The following LIX1L variants were observed in gnomAD, a reference collection of about 807,000 sequenced individuals.
LIX1L encodes LIX1-like protein.
In LIX1L, 20 loss-of-function variants were observed where a neutral mutation model predicts 34.0. The observed-to-expected ratio is 0.59, with a 90% CI of 0.41 to 0.85. The LOEUF is 0.85. Ranked by LOEUF, LIX1L falls within the 40% of genes least tolerant of loss-of-function variation. LIX1L has a pLI of 0.00. For synonymous variants in LIX1L, 170 were observed against 187.4 expected (o/e 0.91, Z 0.76); for missense variants, 397 against 447.0 (o/e 0.89, Z 1.01).
At chr1:145,956,043 T>G (rs1261766818) in intron 1 of LIX1L, among the ~76,000 whole-genome samples, 4 of 152,232 alleles carry the variant, frequency 2.6e-5, no homozygotes, top group Non-Finnish European at 4.4e-5. Context: ...GGCAAAGACC[T>G]TCCCTTGATC....
intron 1 of LIX1L, among the ~76,000 whole-genome samples, chr1:145,950,804 G>A (rs910879261): frequency 6.6e-6 from 1 of 152,202 alleles, no homozygotes; most frequent in Admixed American, 6.5e-5. Flanking sequence ...TACAGGAAGC[G>A]TGGTTCCTTC....
chr1:145,956,325 A>G (rs1463132671), intron 1 of LIX1L, among the ~76,000 whole-genome samples: 1 of 152,196 alleles, frequency 6.6e-6, no homozygotes, highest in Non-Finnish European at 1.5e-5. Context: ...TTGGGTTTAC[A>G]TTATTAGGAT....
At chr1:145,951,123 T>C (rs951597162) in intron 1 of LIX1L, among the ~76,000 whole-genome samples, 1 of 152,198 alleles carries the variant, frequency 6.6e-6, no homozygotes, top group Admixed American at 6.5e-5. Context: ...CTTGGCTCAC[T>C]GCAACCTCTA....
chr1:145,947,414 G>C lies in LIX1L; in HGVS notation c.456+205C>G, dbSNP rs1037992043. ...ATTCATAACTGCTCAAATTCAAAAT[G>C]GGTTTGAGTTTTTGAAAGGAAAGCA... On this transcript the variant is annotated intron_variant, in intron 2 of 5. Coordinates refer to ENST00000604000, the MANE Select transcript of LIX1L (RefSeq NM_153713.3). 1.0e-5 allele frequency: 6 copies of C among 575,714 alleles called. No homozygotes were observed. In the Admixed American group the frequency reaches 1.5e-4, roughly 14 times the overall value. The allele number at this position is 575,714 out of a possible 1,614,324, so 35.7% of individuals were successfully genotyped here.
Position 145,957,826 on chromosome 1 carries a change from G to A in LIX1L, c.102C>T (p.Ala34=). 7.1e-7 allele frequency: 1 copy of A among 1,400,190 alleles called. No homozygotes were observed. Among genetic ancestry groups the A allele is most frequent in the East Asian group, 3.1e-5 (1 of 32,758 alleles). The allele number at this position is 1,400,190 out of a possible 1,614,324, so 86.7% of individuals were successfully genotyped here. The change falls in exon 1 of 6, where the codon GCC becomes GCT. Residue 34 remains alanine, a synonymous_variant. Coordinates refer to ENST00000604000, the MANE Select transcript of LIX1L (RefSeq NM_153713.3). The stretch of plus-strand genomic sequence containing the variant: ...GGGGGCCCGCAGGGGGTGTGGCGGT[G>A]GCGGCCGCGGCCCCAGTCACTCCGG... The part of the protein sequence containing the change: ...LRPGVTGAAA[A]TATPPAGPPP...
chr1:145,957,379 A>G (rs1323394671), intron 1 of LIX1L, among the ~76,000 whole-genome samples: 1 of 152,228 alleles, frequency 6.6e-6, no homozygotes, highest in Non-Finnish European at 1.5e-5. Flanking sequence ...AAAGGAGAAA[A>G]GCTTAGGAAG....
Position 145,957,781 on chromosome 1 carries a change from G to A in LIX1L, c.147C>T (p.Pro49=), listed in dbSNP as rs12757922. The A allele has an allele frequency of 2.5e-5, 34 of 1,345,500 alleles. No homozygotes were observed. Among genetic ancestry groups the A allele is most frequent in the Admixed American group, 4.0e-5 (1 of 25,046 alleles). 83.3% of individuals were successfully genotyped at this position (1,345,500 alleles called of 1,614,324 possible). A position where few individuals can be genotyped will look rare whatever the true frequency, so the allele number is the denominator to read the frequency against. ...PAGPPPAPPP[P]APPPPPLLLS... ...GGAGCAGCGGCGGCGGGGGCGGTGC[G>A]GGAGGCGGCGGGGCAGGCGGGGGGC... Residue 49 remains proline, a synonymous_variant, in exon 1 of 6, where the codon CCC becomes CCT. Coordinates refer to ENST00000604000, the MANE Select transcript of LIX1L (RefSeq NM_153713.3).
intron 3 of LIX1L, chr1:145,940,976 G>A (rs12073454): frequency 6.6e-6 from 1 of 152,120 alleles, no homozygotes; most frequent in African/African-American, 2.4e-5. Flanking sequence ...GTGAGCCATC[G>A]CGCCTCGCCC....
At chr1:145,945,937 A>G (rs1327867369) in intron 2 of LIX1L, among the ~76,000 whole-genome samples, 1 of 141,790 alleles carries the variant, frequency 7.1e-6, no homozygotes, top group Non-Finnish European at 1.5e-5. Flanking sequence ...AATACCAAAA[A>G]AAAAAAAAAA....
Position 145,936,498 on chromosome 1 carries a change from T to C in LIX1L, c.826A>G (p.Met276Val). ...TCCCGGCTCACCCAGTCCAAGGCCATTTGGTGGCGAATATCATCATCCAGG... is the reference window on the plus strand; with the variant it reads ...TCCCGGCTCACCCAGTCCAAGGCCACTTGGTGGCGAATATCATCATCCAGG... ...RALDDDIRHQ[M>V]ALDWVSREQS... The change falls in exon 6 of 6, where the codon ATG (methionine) becomes GTG (valine). Residue 276 changes from methionine (M) to valine (V), a missense_variant. Around this residue, in one of 3 missense-constraint regions of LIX1L, gnomAD observed 174 missense variants for 204.0 expected, o/e 0.85. Transcript: ENST00000604000. 4.3e-6 allele frequency: 7 copies of C among 1,614,116 alleles called. No individual in the cohort carries two copies. Among genetic ancestry groups the C allele is most frequent in the Non-Finnish European group, 5.9e-6 (7 of 1,180,028 alleles).
At position 145,957,703 on chromosome 1, in the gene LIX1L, T is replaced by A; in HGVS notation, c.225A>T (p.Ala75=). ...CGGCCTCCACGGCCTCTCGCAGCAC[T>A]GCCGGGCTGCCGGCGGCGCCGGGGG... is the stretch of plus-strand genomic sequence containing the variant. ...PLPPGAAGSP[A]VLREAVEAVV... is the part of the protein sequence containing the mutation. Residue 75 remains alanine, a synonymous_variant, in exon 1 of 6, where the codon GCA becomes GCT. Coordinates refer to ENST00000604000, the MANE Select transcript of LIX1L (RefSeq NM_153713.3). The A allele has an allele frequency of 6.7e-7, 1 of 1,503,582 alleles. No individual in the cohort carries two copies. Among genetic ancestry groups the A allele is most frequent in the African/African-American group, 1.4e-5 (1 of 69,158 alleles). 93.1% of individuals were successfully genotyped at this position (1,503,582 alleles called of 1,614,324 possible).
intron 1 of LIX1L, among the ~76,000 whole-genome samples, chr1:145,950,842 A>G (rs1553759775): frequency 6.6e-6 from 1 of 152,204 alleles, no homozygotes; most frequent in Non-Finnish European, 1.5e-5. Context: ...CGAATGTGCG[A>G]CTTTGTGGTG....
chr1:145,943,412 T>C (rs1648993725), intron 2 of LIX1L, among the ~76,000 whole-genome samples: 3 of 152,206 alleles, frequency 2.0e-5, no homozygotes, highest in Admixed American at 1.3e-4. Context: ...AAAGGAGCTA[T>C]CCCTGAGAAG....
intron 2 of LIX1L, among the ~76,000 whole-genome samples, chr1:145,943,167 C>G (rs1648984563): frequency 6.6e-6 from 1 of 152,178 alleles, no homozygotes. Flanking sequence ...TTTAAACTGT[C>G]GACAGAATTA....
chr1:145,943,293 T>C (rs1208301661), intron 2 of LIX1L, among the ~76,000 whole-genome samples: 1 of 152,222 alleles, frequency 6.6e-6, no homozygotes, highest in Non-Finnish European at 1.5e-5. Flanking sequence ...AAGCTGTGTC[T>C]AGGCTGCTTC....
At chr1:145,952,058 T>C (rs587766147) in intron 1 of LIX1L, among the ~76,000 whole-genome samples, 1 of 152,312 alleles carries the variant, frequency 6.6e-6, no homozygotes, top group South Asian at 2.1e-4. Flanking sequence ...GAAGGAACTT[T>C]AGAGATCATC....
At chr1:145,950,382 GTTGTTT>G (rs1434924897) in intron 1 of LIX1L, 12 of 151,890 alleles carry the variant, frequency 7.9e-5, no homozygotes, top group East Asian at 1.9e-4. Context: ...TGTTGTTGTT[GTTGTTT>G]TTTTTCTAAA....
rs782185785 is a variant in LIX1L, at chr1:145,957,914, C to T, written c.14G>A (p.Arg5Gln). 4 of 1,489,206 alleles carry T rather than the reference C, an allele frequency of 2.7e-6. No individual in the cohort carries two copies. The highest frequency in any genetic ancestry group is 1.8e-6 in the Non-Finnish European group (2 of 1,123,386). 92.2% of individuals were successfully genotyped at this position (1,489,206 alleles called of 1,614,324 possible). Residue 5 changes from arginine (R) to glutamine (Q), a missense_variant, in exon 1 of 6, where the codon CGA becomes CAA. Arg to Gln is a conservative substitution (Grantham distance 43, BLOSUM62 1). Transcript: ENST00000604000. METM[R>Q]AQRLQPGVGT... Reference sequence around the variant, plus strand: ...CACACCAGGCTGCAGCCGCTGCGCTCGCATAGTCTCCATCCCGGCCGCCAA... The same window carrying T: ...CACACCAGGCTGCAGCCGCTGCGCTTGCATAGTCTCCATCCCGGCCGCCAA...
chr1:145,952,210 C>T (rs1649322144), intron 1 of LIX1L, among the ~76,000 whole-genome samples: 1 of 152,166 alleles, frequency 6.6e-6, no homozygotes. Context: ...AGGTCCAGTC[C>T]ACAGCTGAGC....
Sources: allele counts gnomAD v4.1 joint callset (sites outside exome capture counted in the v4.1 genomes callset), GRCh38; gene constraint gnomAD v4.1.1; regional missense constraint gnomAD v4.1.1; transcripts MANE v1.5; gene names NCBI Gene and HGNC (gene_info 2026-07-23, HGNC 2026-07-21).